The following TMEM132B variants were observed in gnomAD, a reference collection of about 807,000 sequenced individuals.
The protein encoded by TMEM132B is transmembrane protein 132B.
Under a neutral mutation model 90.8 loss-of-function variants are expected in TMEM132B, and 18 were observed. The observed-to-expected ratio is 0.20, with a 90% CI of 0.14 to 0.29. The LOEUF is 0.29. TMEM132B is among the 10% of genes least tolerant of loss of function. The probability of loss-of-function intolerance (pLI) is 1.00; values close to 1 mark genes in which losing one functional copy is unlikely to be tolerated. For synonymous variants in TMEM132B, 504 were observed against 523.3 expected (o/e 0.96, Z 0.50); for missense variants, 1,096 against 1,326.8 (o/e 0.83, Z 2.70).
intron 3 of TMEM132B, among the ~76,000 whole-genome samples, chr12:125,484,138 G>A (rs573974998): frequency 6.6e-6 from 1 of 152,236 alleles, no homozygotes; most frequent in East Asian, 1.9e-4. Flanking sequence ...GGCCTCAAGT[G>A]ATCTGCCTGC....
intron 3 of TMEM132B, among the ~76,000 whole-genome samples, chr12:125,455,925 A>C (rs1807756022): frequency 6.6e-6 from 1 of 152,200 alleles, no homozygotes; most frequent in African/African-American, 2.4e-5. Context: ...GGACTGGTGC[A>C]CTTTTTCTGT....
At position 125,406,581 on chromosome 12, in the gene TMEM132B, A is replaced by C. The variant is rs181890880; in HGVS notation, c.960-8950A>C. 4.6e-5 allele frequency among the ~76,000 whole-genome samples: 7 copies of C among 152,338 alleles called. No individual in the cohort carries two copies. The East Asian group carries it at 1.4e-3, about 29-fold the overall frequency. The stretch of plus-strand genomic sequence containing the variant: ...ACCTGAAACTCAAGAAATCCTCTTT[A>C]AACGTCGGAGGACTGGGTGGATGAT... On this transcript the variant is annotated intron_variant, in intron 2 of 8. Coordinates refer to ENST00000682704, the MANE Select transcript of TMEM132B (RefSeq NM_001366854.1). This position sits in a 1 kb window ranked among gnomAD's most constrained non-coding sequence, Gnocchi z 8.3.
At chr12:125,200,592 G>A (rs1462158783) in intron 1 of TMEM132B, among the ~76,000 whole-genome samples, 2 of 152,304 alleles carry the variant, frequency 1.3e-5, no homozygotes, top group African/African-American at 2.4e-5. Context: ...ATTTGCAAAT[G>A]TCTATCCCAC....
chr12:125,477,143 A>G (rs1376926703), intron 3 of TMEM132B, among the ~76,000 whole-genome samples: 1 of 152,168 alleles, frequency 6.6e-6, no homozygotes, highest in Non-Finnish European at 1.5e-5. Flanking sequence ...CATGCAAATG[A>G]TAATTTATGT....
At chr12:125,200,975 T>C (rs1873043577) in intron 1 of TMEM132B, among the ~76,000 whole-genome samples, 1 of 152,264 alleles carries the variant, frequency 6.6e-6, no homozygotes, top group African/African-American at 2.4e-5. Flanking sequence ...CTAAGTTCTC[T>C]GGTCTATGCC....
chr12:125,216,324 C>G (rs564030249), intron 1 of TMEM132B, among the ~76,000 whole-genome samples: 1 of 152,272 alleles, frequency 6.6e-6, no homozygotes, highest in African/African-American at 2.4e-5. Flanking sequence ...CATGTCTCCT[C>G]TTAAAAGAAC....
At chr12:125,438,599 C>A (rs1880769633) in intron 3 of TMEM132B, among the ~76,000 whole-genome samples, 1 of 152,160 alleles carries the variant, frequency 6.6e-6, no homozygotes, top group South Asian at 2.1e-4. Flanking sequence ...TTTAATATTT[C>A]CCAAAATACG....
At chr12:125,413,879 A>G (rs1879931291) in intron 2 of TMEM132B, among the ~76,000 whole-genome samples, 1 of 110,188 alleles carries the variant, frequency 9.1e-6, no homozygotes, top group East Asian at 3.7e-4. Context: ...TTGCTAGACC[A>G]TATGGTAATT....
At chr12:125,313,281 G>T (rs1226213225) in intron 1 of TMEM132B, among the ~76,000 whole-genome samples, 1 of 152,168 alleles carries the variant, frequency 6.6e-6, no homozygotes, top group Admixed American at 6.5e-5. Flanking sequence ...TTTTGAGAAT[G>T]ATTTGAATCT....
intron 3 of TMEM132B, among the ~76,000 whole-genome samples, chr12:125,431,761 G>A (rs1880515964): frequency 6.6e-5 from 10 of 152,188 alleles, no homozygotes; most frequent in Admixed American, 6.5e-4. Flanking sequence ...AACAGACAGG[G>A]AGTCAGTGAA....
At chr12:125,645,662 G>A (rs1011250216) in intron 6 of TMEM132B, among the ~76,000 whole-genome samples, 1 of 152,224 alleles carries the variant, frequency 6.6e-6, no homozygotes, top group Non-Finnish European at 1.5e-5. Context: ...CCAGATAAGA[G>A]ACCAGCCCAG....
chr12:125,509,706 G>A (rs953367750), intron 3 of TMEM132B, among the ~76,000 whole-genome samples: 2 of 152,072 alleles, frequency 1.3e-5, no homozygotes, highest in African/African-American at 4.8e-5. Context: ...TCTTAGGAAT[G>A]GATTATCTAT....
intron 2 of TMEM132B, among the ~76,000 whole-genome samples, chr12:125,378,149 G>A (rs1214197604): frequency 1.3e-5 from 2 of 152,176 alleles, no homozygotes; most frequent in Non-Finnish European, 2.9e-5. Context: ...AGGGATGCTG[G>A]TGTTGGGGTC....
At chr12:125,523,593 G>C (rs553451773) in intron 4 of TMEM132B, among the ~76,000 whole-genome samples, 1 of 152,314 alleles carries the variant, frequency 6.6e-6, no homozygotes, top group Admixed American at 6.5e-5. Context: ...CATCTCTGGA[G>C]GGGGCTGTTA....
chr12:125,196,606 G>A (rs1271018527), intron 1 of TMEM132B, among the ~76,000 whole-genome samples: 1 of 152,214 alleles, frequency 6.6e-6, no homozygotes, highest in Non-Finnish European at 1.5e-5. Context: ...CTACTCAGGA[G>A]GCTGAGGCAG....
In TMEM132B at chr12:125,655,178, A is replaced by T. The variant is rs1454545704; in HGVS notation, c.*468A>T. 1 of 154,850 alleles carries T rather than the reference A, an allele frequency of 6.5e-6. No homozygotes were observed. The highest frequency in any genetic ancestry group is 2.4e-5 in the African/African-American group (1 of 41,484). 9.6% of individuals were successfully genotyped at this position (154,850 alleles called of 1,614,324 possible). A position where few individuals can be genotyped will look rare whatever the true frequency, so the allele number is the denominator to read the frequency against. On this transcript the variant is annotated 3_prime_UTR_variant, in exon 9 of 9. Coordinates refer to ENST00000682704, the MANE Select transcript of TMEM132B (RefSeq NM_001366854.1). ...TCCTGATTTGTCATGAGCGCTGCTC[A>T]TTATTTTTATATACATTTGCACCTG... is the stretch of plus-strand genomic sequence containing the variant.
chr12:125,532,568 G>A (rs1883672972), intron 4 of TMEM132B, among the ~76,000 whole-genome samples: 2 of 151,252 alleles, frequency 1.3e-5, no homozygotes, highest in Admixed American at 6.6e-5. Context: ...AGGCTGGAGT[G>A]CAGTGGTGCG....
chr12:125,235,156 C>T (rs1593050484), intron 1 of TMEM132B, among the ~76,000 whole-genome samples: 1 of 152,288 alleles, frequency 6.6e-6, no homozygotes, highest in South Asian at 2.1e-4. Context: ...GGAGAGGCTG[C>T]ATTTGCATTT....
At chr12:125,485,492 C>T (rs577867578) in intron 3 of TMEM132B, among the ~76,000 whole-genome samples, 7 of 152,314 alleles carry the variant, frequency 4.6e-5, no homozygotes, top group South Asian at 2.1e-4. Flanking sequence ...ATTCTCCTCA[C>T]GTCCTTATGA....
Sources: gnomAD v4.1 joint callset for allele counts (sites outside exome capture counted in the v4.1 genomes callset) on GRCh38, gnomAD v4.1.1 for gene constraint, Gnocchi (gnomAD v3.1) non-coding constraint, MANE v1.5 for transcripts, NCBI Gene and HGNC (gene_info 2026-07-23, HGNC 2026-07-21) for gene names.